IPO7: variants seen among roughly 807,000 people sequenced by gnomAD.
The protein encoded by IPO7 is importin-7.
In IPO7, 13 loss-of-function variants were observed where a neutral mutation model predicts 136.4. The ratio of observed to expected loss-of-function variants is 0.10; its 90% confidence interval spans 0.06 to 0.15. IPO7 has a LOEUF of 0.15. Among genes scored for constraint, IPO7 ranks in the 10% least tolerant of loss-of-function variants. IPO7 has a pLI of 1.00. For missense variants in IPO7, 857 were observed against 1,240.6 expected (o/e 0.69, Z 4.65); for synonymous variants, 403 against 404.4 (o/e 1.00, Z 0.04).
chr11:9,433,982 G>A (rs575369258), intron 18 of IPO7, 136 bp downstream of exon 18: 1 of 826,460 alleles, frequency 1.2e-6, no homozygotes, highest in Non-Finnish European at 1.8e-6. Context: ...GGAGTGCAAT[G>A]GTGCGATCTC....
At chr11:9,422,034 C>A (rs983943014) in intron 8 of IPO7, among the ~76,000 whole-genome samples, 1 of 152,160 alleles carries the variant, frequency 6.6e-6, no homozygotes, top group African/African-American at 2.4e-5. Context: ...AATCCCAGCA[C>A]TTTGGAAGGC....
Position 9,423,867 on chromosome 11 carries a change from A to C in IPO7, c.1132A>C (p.Met378Leu). The change falls in exon 10 of 25, where the codon ATG becomes CTG. Residue 378 changes from methionine to leucine, a missense_variant. Met to Leu is a conservative substitution (Grantham distance 15). This residue lies in a region of IPO7 where 127 missense variants were observed against 222.4 expected (regional missense o/e 0.57). Transcript: ENST00000379719. ...WQEDPYEYIRMKFDVFEDFIS... is the reference protein window; with the variant it reads ...WQEDPYEYIRLKFDVFEDFIS... Reference sequence around the variant, plus strand: ...AGAAGACCCTTACGAATATATACGCATGAAGTTTGGTAAGGAATTTTCACG... The same window carrying C: ...AGAAGACCCTTACGAATATATACGCCTGAAGTTTGGTAAGGAATTTTCACG... 1 of 1,593,736 alleles carries C rather than the reference A, an allele frequency of 6.3e-7. No homozygotes were observed. Among genetic ancestry groups the C allele is most frequent in the Non-Finnish European group, 8.6e-7 (1 of 1,162,746 alleles).
chr11:9,410,252 C>T (rs932076753), intron 4 of IPO7, among the ~76,000 whole-genome samples, 166 bp downstream of exon 4: 8 of 152,056 alleles, frequency 5.3e-5, no homozygotes, highest in Non-Finnish European at 7.3e-5. Flanking sequence ...ATTCTAACTC[C>T]GCAGTTGCTT....
intron 1 of IPO7, among the ~76,000 whole-genome samples, chr11:9,402,063 A>G (rs925254616): frequency 2.0e-5 from 3 of 152,150 alleles, no homozygotes; most frequent in African/African-American, 7.2e-5. Context: ...CAGGTGTCAC[A>G]GAGGGTATTG....
intron 5 of IPO7, 28 bp downstream of exon 5, chr11:9,414,439 A>G: frequency 1.4e-6 from 2 of 1,451,986 alleles, no homozygotes; most frequent in South Asian, 2.6e-5. Flanking sequence ...GTTTTTATGC[A>G]TAAAAAGTTA....
At chr11:9,424,466 G>C (rs146244775) in intron 10 of IPO7, among the ~76,000 whole-genome samples, 1 of 152,230 alleles carries the variant, frequency 6.6e-6, no homozygotes, top group African/African-American at 2.4e-5. Context: ...TCACAGGCCA[G>C]GTGCGGTGGC....
chr11:9,408,508 G>T lies in IPO7; in HGVS notation c.189G>T (p.Met63Ile). 1 of 1,573,504 alleles carries T rather than the reference G, an allele frequency of 6.4e-7. No homozygotes were observed. The highest frequency in any genetic ancestry group is 8.6e-7 in the Non-Finnish European group (1 of 1,164,618). ...RQAGVIYLKN[M>I]ITQYWPDRET... ...TAGGTGTTATCTATCTGAAAAATAT[G>T]ATAACACAGTATTGGCCTGATCGAG... is the stretch of plus-strand genomic sequence containing the variant. Residue 63 changes from methionine (M) to isoleucine (I), a missense_variant, in exon 3 of 25, where the codon ATG becomes ATT. Met to Ile is a conservative substitution (Grantham distance 10, BLOSUM62 1). Around this residue, in one of 11 missense-constraint regions of IPO7, gnomAD observed 287 missense variants for 307.5 expected, o/e 0.93. Transcript: ENST00000379719.
Position 9,422,096 on chromosome 11 carries a change from A to G in IPO7, c.907-910A>G, listed in dbSNP as rs1049414127. Among the ~76,000 whole-genome samples, 8 of 152,170 alleles carry G rather than the reference A, an allele frequency of 5.3e-5. No homozygotes were observed. In the South Asian group the frequency reaches 8.3e-4, roughly 16 times the overall value. ...GGAGTTCGAGACCAGCCTGACCAAC[A>G]TGGAGAAATCCTGTCTGTACTAAAA... On this transcript the variant is annotated intron_variant, in intron 8 of 24. Transcript: ENST00000379719.
chr11:9,386,309 AT>A (rs957176723), intron 1 of IPO7, among the ~76,000 whole-genome samples: 4 of 152,280 alleles, frequency 2.6e-5, no homozygotes, highest in African/African-American at 7.2e-5. Context: ...AGGAGCTTAG[AT>A]TTTTTTGGAT....
At chr11:9,436,868 A>ATTT (rs869227367) in intron 20 of IPO7, among the ~76,000 whole-genome samples, 1 of 18,228 alleles carries the variant, frequency 5.5e-5, no homozygotes, top group Non-Finnish European at 9.0e-5. Flanking sequence ...ATATATATAT[A>ATTT]TTTTTTTTTT....
intron 3 of IPO7, among the ~76,000 whole-genome samples, chr11:9,409,395 C>T (rs1050465751): frequency 4.6e-5 from 7 of 152,162 alleles, no homozygotes; most frequent in African/African-American, 1.7e-4. Flanking sequence ...AGGTGTGAGC[C>T]ACCATGCCTG....
chr11:9,434,048 C>G (rs2133760822), intron 18 of IPO7, among the ~76,000 whole-genome samples: 1 of 152,138 alleles, frequency 6.6e-6, no homozygotes, highest in Non-Finnish European at 1.5e-5. Context: ...CTCAGCCTCC[C>G]AAGTAGCTGG....
chr11:9,392,941 T>C (rs1255258385), intron 1 of IPO7, among the ~76,000 whole-genome samples: 7 of 127,318 alleles, frequency 5.5e-5, no homozygotes, highest in East Asian at 2.5e-4. Context: ...AGCAAGACTC[T>C]GTCTCAAAAA....
At chr11:9,416,367 A>T (rs1855042583) in intron 5 of IPO7, among the ~76,000 whole-genome samples, 1 of 152,216 alleles carries the variant, frequency 6.6e-6, no homozygotes, top group African/African-American at 2.4e-5. Flanking sequence ...AATTTGAATA[A>T]ACACTAGTCT....
At chr11:9,438,737 A>T (rs1855419273) in intron 22 of IPO7, among the ~76,000 whole-genome samples, 1 of 152,208 alleles carries the variant, frequency 6.6e-6, no homozygotes, top group African/African-American at 2.4e-5. Flanking sequence ...CACTAGAGTG[A>T]TGTAATCAGG....
chr11:9,408,717 T>G (rs1209391431), intron 3 of IPO7, 78 bp downstream of exon 3: 26 of 1,029,454 alleles, frequency 2.5e-5, no homozygotes, highest in African/African-American at 1.2e-4. Flanking sequence ...TTTTTTTTTT[T>G]TTTTTTTTTT....
chr11:9,392,319 A>G (rs1428705651), intron 1 of IPO7: 4 of 303,762 alleles, frequency 1.3e-5, no homozygotes, highest in Non-Finnish European at 2.6e-5. Context: ...CTGGGATTAC[A>G]GGTATGCATT....
At chr11:9,386,381 A>G (rs928955674) in intron 1 of IPO7, among the ~76,000 whole-genome samples, 1 of 152,170 alleles carries the variant, frequency 6.6e-6, no homozygotes, top group African/African-American at 2.4e-5. Context: ...TGGAAGGAGC[A>G]ATGGATCACT....
rs1183465587 is a variant in IPO7 at position 9,429,025 on chromosome 11, C to T, written c.1426-6C>T. The T allele has an allele frequency of 3.1e-6, 5 of 1,612,292 alleles. No individual in the cohort carries two copies. Among genetic ancestry groups the T allele is most frequent in the East Asian group, 4.5e-5 (2 of 44,872 alleles). ...TCTACAGTAACTCACTGTGTTTTTA[C>T]AAAAGGCTTGCTGGGTACTTCACTA... On this transcript the variant is annotated splice_polypyrimidine_tract_variant and splice_region_variant and intron_variant, in intron 13 of 24. Transcript: ENST00000379719.
Sources: gnomAD v4.1 joint callset for allele counts (sites outside exome capture counted in the v4.1 genomes callset) on GRCh38, gnomAD v4.1.1 for gene constraint, gnomAD v4.1.1 regional missense constraint, MANE v1.5 for transcripts, NCBI Gene and HGNC (gene_info 2026-07-23, HGNC 2026-07-21) for gene names.